Variants in ALMS1 observed in about 807,000 individuals in gnomAD.
ALMS1 encodes centrosome-associated protein ALMS1.
Under a neutral mutation model 352.2 loss-of-function variants are expected in ALMS1, and 271 were observed. The ratio of observed to expected loss-of-function variants is 0.77; its 90% confidence interval spans 0.70 to 0.85. The LOEUF is 0.85. ALMS1 is among the 40% of genes least tolerant of loss of function. The probability of loss-of-function intolerance (pLI) is 0.00; values close to 1 mark genes in which losing one functional copy is unlikely to be tolerated. For synonymous variants in ALMS1, 1,865 were observed against 1,761.2 expected (o/e 1.06, Z -1.48); for missense variants, 5,445 against 4,870.7 (o/e 1.12, Z -3.51).
At chr2:73,577,550 A>G (rs1392644466) in intron 16 of ALMS1, among the ~76,000 whole-genome samples, 1 of 152,046 alleles carries the variant, frequency 6.6e-6, no homozygotes, top group East Asian at 1.9e-4. Context: ...ATTTGTAGCT[A>G]TAAATGTCTC....
intron 6 of ALMS1, among the ~76,000 whole-genome samples, chr2:73,428,951 C>T (rs1259133395): frequency 1.3e-5 from 2 of 152,018 alleles, no homozygotes; most frequent in East Asian, 1.9e-4. Flanking sequence ...TGGGTATCCA[C>T]GTATGTATGA....
chr2:73,588,252 C>A (rs995008227), intron 16 of ALMS1, among the ~76,000 whole-genome samples: 1 of 152,194 alleles, frequency 6.6e-6, no homozygotes, highest in Non-Finnish European at 1.5e-5. Context: ...TCTCTCTGCC[C>A]CGTGCTGTCT....
chr2:73,419,037 A>C, intron 2 of ALMS1, 86 bp from the exon 3 acceptor site: 1 of 1,107,354 alleles, frequency 9.0e-7, no homozygotes, highest in Non-Finnish European at 1.4e-6. Context: ...GCTATATAAT[A>C]CATGAGTGGA....
At chr2:73,576,045 C>T (rs146897396) in intron 16 of ALMS1, among the ~76,000 whole-genome samples, 100 of 152,224 alleles carry the variant, frequency 6.6e-4, no homozygotes, top group Middle Eastern at 3.4e-3. Context: ...GTGAATATCC[C>T]GTTTTCTCAA....
chr2:73,466,108 A>G (rs1306664405), intron 9 of ALMS1, among the ~76,000 whole-genome samples: 1 of 152,146 alleles, frequency 6.6e-6, no homozygotes, highest in African/African-American at 2.4e-5. Flanking sequence ...TGGAAATACC[A>G]TTTGACCCAG....
Position 73,491,404 on chromosome 2 carries a change from A to T in ALMS1, c.9445A>T (p.Asn3149Tyr), listed in dbSNP as rs1672983319. 1 of 1,614,050 alleles carries T rather than the reference A, an allele frequency of 6.2e-7. No homozygotes were observed. Among genetic ancestry groups the T allele is most frequent in the African/African-American group, 1.3e-5 (1 of 74,932 alleles). The change falls in exon 10 of 23, where the codon AAT becomes TAT. Residue 3149 changes from asparagine to tyrosine, a missense_variant. Transcript: ENST00000613296. The part of the protein sequence containing the change: ...TQDLKTIPSQ[N>Y]SQIVTSRQIQ... ...GGACTTGAAAACCATACCTTCTCAG[A>T]ATAGCCAGATAGTAACCTCCAGGCA...
At chr2:73,607,215 T>G (rs1190522055) in intron 21 of ALMS1, among the ~76,000 whole-genome samples, 1 of 152,248 alleles carries the variant, frequency 6.6e-6, no homozygotes, top group Non-Finnish European at 1.5e-5. Context: ...TTGCTTTATT[T>G]TATTCAACAT....
chr2:73,428,230 T>A (rs1269785409), intron 6 of ALMS1, among the ~76,000 whole-genome samples: 1 of 152,204 alleles, frequency 6.6e-6, no homozygotes, highest in African/African-American at 2.4e-5. Context: ...AATAGAATTG[T>A]TAGAGATTAT....
At chr2:73,439,193 C>T (rs911369758) in intron 7 of ALMS1, among the ~76,000 whole-genome samples, 1 of 150,788 alleles carries the variant, frequency 6.6e-6, no homozygotes, top group Admixed American at 6.6e-5. Flanking sequence ...ATCATAGCTC[C>T]ACAGCCTTGA....
At chr2:73,427,021 G>A (rs986561763) in intron 6 of ALMS1, among the ~76,000 whole-genome samples, 1 of 152,042 alleles carries the variant, frequency 6.6e-6, no homozygotes. Context: ...GTAAGACTTA[G>A]TTCTGTGGTG....
In ALMS1 at chr2:73,453,945, G is replaced by A. The variant is rs1348368424; in HGVS notation, c.7418G>A (p.Gly2473Asp). The A allele has an allele frequency of 6.2e-6, 10 of 1,613,996 alleles. No homozygotes were observed. The highest frequency in any genetic ancestry group is 1.1e-5 in the South Asian group (1 of 91,066). Residue 2473 changes from glycine (G) to aspartate (D), a missense_variant, in exon 8 of 23, where the codon GGT (glycine) becomes GAT (aspartate). Transcript: ENST00000613296. ...EGVSESEDGG[G>D]SSVDSLAAHV... ...GTGTCAGAGAGTGAGGATGGTGGTG[G>A]TAGCAGTGTAGATTCACTGGCTGCA...
Position 73,386,249 on chromosome 2 carries a change from C to T in ALMS1, c.324+57C>T, listed in dbSNP as rs187868113. 3.7e-4 allele frequency: 527 copies of T among 1,426,518 alleles called. 2 individuals are homozygous for T. In the East Asian group the frequency reaches 0.014, roughly 37 times the overall value. The allele number at this position is 1,426,518 out of a possible 1,614,324, so 88.4% of individuals were successfully genotyped here. On this transcript the variant is annotated intron_variant, in intron 1 of 22. Coordinates refer to ENST00000613296, the MANE Select transcript of ALMS1 (RefSeq NM_001378454.1). ...CGGCGAGTTGGGGGTGGAGGCTGGG[C>T]CCCGAGCGCTCCGCCCGCCCGCAGG...
intron 22 of ALMS1, among the ~76,000 whole-genome samples, chr2:73,609,031 G>A (rs919062168): frequency 6.6e-6 from 1 of 152,238 alleles, no homozygotes; most frequent in African/African-American, 2.4e-5. Flanking sequence ...CCTGCCCATT[G>A]TCCCAGTAGA....
At position 73,599,429 on chromosome 2, in the gene ALMS1, C is replaced by T; in HGVS notation, c.11576C>T (p.Ser3859Phe). The T allele has an allele frequency of 6.2e-7, 1 of 1,613,384 alleles. No homozygotes were observed. The highest frequency in any genetic ancestry group is 2.2e-5 in the East Asian group (1 of 44,856). Residue 3859 changes from serine to phenylalanine, a missense_variant, in exon 17 of 23, where the codon TCT (serine) becomes TTT (phenylalanine). Coordinates refer to ENST00000613296, the MANE Select transcript of ALMS1 (RefSeq NM_001378454.1). ...QVANHVISSD[S>F]ISSSASSFLS... ...GCAAACCATGTGATTTCTTCTGACT[C>T]TATTTCCTCTTCTGCCAGTAGTTTC...
chr2:73,596,062 C>T (rs1348903073), intron 16 of ALMS1, among the ~76,000 whole-genome samples: 2 of 152,186 alleles, frequency 1.3e-5, no homozygotes, highest in Non-Finnish European at 1.5e-5. Context: ...AGTAACTTCT[C>T]CCAGGCTGTG....
chr2:73,578,018 T>C (rs764437627), intron 16 of ALMS1, among the ~76,000 whole-genome samples: 3 of 152,184 alleles, frequency 2.0e-5, no homozygotes, highest in Non-Finnish European at 2.9e-5. Context: ...TATTTCTCCA[T>C]TGAAATCTGT....
At chr2:73,587,636 C>T (rs1411301069) in intron 16 of ALMS1, among the ~76,000 whole-genome samples, 1 of 152,114 alleles carries the variant, frequency 6.6e-6, no homozygotes, top group Admixed American at 6.6e-5. Context: ...CCCACTTGAC[C>T]ATGGTGGATT....
chr2:73,519,546 T>C (rs1673628595), intron 10 of ALMS1, among the ~76,000 whole-genome samples: 1 of 152,192 alleles, frequency 6.6e-6, no homozygotes. Context: ...AATTTAACAT[T>C]CTAAATTAAA....
Position 73,573,065 on chromosome 2 carries a change from A to G in ALMS1, c.11188A>G (p.Ile3730Val), listed in dbSNP as rs1212866131. ...GAGTAAACAGCCAGGTTTTAATTAT[A>G]TAAGCAACACTTCTTCGGATTGTCG... is the stretch of plus-strand genomic sequence containing the variant. ...ILSKQPGFNY[I>V]SNTSSDCRPS... The change falls in exon 16 of 23, where the codon ATA (isoleucine) becomes GTA (valine). Residue 3730 changes from isoleucine (I) to valine (V), a missense_variant. Coordinates refer to ENST00000613296, the MANE Select transcript of ALMS1 (RefSeq NM_001378454.1). 6.2e-7 allele frequency: 1 copy of G among 1,613,992 alleles called. No individual in the cohort carries two copies. The highest frequency in any genetic ancestry group is 8.5e-7 in the Non-Finnish European group (1 of 1,180,012).
Sources: gnomAD v4.1 joint callset for allele counts (sites outside exome capture counted in the v4.1 genomes callset) on GRCh38, gnomAD v4.1.1 for gene constraint, MANE v1.5 for transcripts, NCBI Gene and HGNC (gene_info 2026-07-23, HGNC 2026-07-21) for gene names.